The following RNF212B variants were observed in gnomAD, a reference collection of about 807,000 sequenced individuals.
RNF212B encodes ring finger protein 212B.
A neutral mutation model predicts 55.5 loss-of-function variants in RNF212B; 52 were observed. That is an observed-to-expected ratio of 0.94 (90% CI 0.75 to 1.18). RNF212B has a LOEUF of 1.18. RNF212B is among the 50% of genes most tolerant of loss of function. The pLI is 0.00. For missense variants in RNF212B, 289 were observed against 350.4 expected (o/e 0.82, Z 1.40); for synonymous variants, 99 against 121.4 (o/e 0.82, Z 1.21).
At chr14:23,217,588 G>A (rs1881211281) in intron 2 of RNF212B, among the ~76,000 whole-genome samples, 1 of 152,060 alleles carries the variant, frequency 6.6e-6, no homozygotes, top group African/African-American at 2.4e-5. Context: ...TTCCATTTTG[G>A]GGTGGGGGAG....
intron 4 of RNF212B, among the ~76,000 whole-genome samples, chr14:23,251,346 C>G: frequency 6.6e-6 from 1 of 152,204 alleles, no homozygotes; most frequent in East Asian, 1.9e-4. Context: ...ACTGCCCCGA[C>G]TCTGGACACC....
intron 5 of RNF212B, among the ~76,000 whole-genome samples, chr14:23,259,262 C>A (rs977084433): frequency 2.0e-5 from 3 of 151,684 alleles, no homozygotes; most frequent in Non-Finnish European, 4.4e-5. Flanking sequence ...TGATAACACT[C>A]ATTGTAGCCT....
intron 1 of RNF212B, among the ~76,000 whole-genome samples, chr14:23,190,633 T>C (rs1878029663): frequency 2.0e-5 from 3 of 152,192 alleles, no homozygotes; most frequent in Admixed American, 6.5e-5. Context: ...TCACCTACAC[T>C]GTTTCAATAG....
Position 23,222,720 on chromosome 14 carries a change from C to T in RNF212B, c.-1-17625C>T, listed in dbSNP as rs139083443. 8.6e-3 allele frequency among the ~76,000 whole-genome samples: 1,304 copies of T among 152,088 alleles called. 23 individuals carry two copies. Among genetic ancestry groups the T allele is most frequent in the African/African-American group, 0.03 (1,227 of 41,498 alleles). Reference sequence around the variant, plus strand: ...CCAATATCTCTGATGAATATTGATGCGAAAATGCTAGTAAACCAAATTCAA... The same window carrying T: ...CCAATATCTCTGATGAATATTGATGTGAAAATGCTAGTAAACCAAATTCAA... On this transcript the variant is annotated intron_variant, in intron 2 of 15. Coordinates refer to the RNF212B transcript ENST00000399910.
At chr14:23,226,201 G>A (rs1037766925) in intron 2 of RNF212B, among the ~76,000 whole-genome samples, 7 of 150,786 alleles carry the variant, frequency 4.6e-5, no homozygotes, top group Non-Finnish European at 7.4e-5. Flanking sequence ...GGGAGGCTGA[G>A]GCAGGAGAAT....
At chr14:23,208,762 T>TTTTG (rs1555310778) in intron 2 of RNF212B, among the ~76,000 whole-genome samples, 2 of 127,574 alleles carry the variant, frequency 1.6e-5, no homozygotes, top group Non-Finnish European at 3.2e-5. Context: ...TTGCCGTTTT[T>TTTTG]TTTTTTTTTT....
chr14:23,244,340 A>T lies in RNF212B; in HGVS notation c.172A>T (p.Met58Leu). Residue 58 changes from methionine to leucine, a missense_variant, in exon 4 of 15, where the codon ATG becomes TTG. Met to Leu is a conservative substitution (Grantham distance 15). Coordinates refer to ENST00000430154, the MANE Select transcript of RNF212B (RefSeq NM_001282322.3). ...TTCGTAGCTGAAGCCTCAGGAGAAG[A>T]TGTTTTTCAAAAGTCCTGTGGAGAC... Reference protein sequence around the residue: ...LSDNLKPQEKMFFKSPVETAL... With the variant: ...LSDNLKPQEKLFFKSPVETAL... 2 of 1,545,290 alleles carry T rather than the reference A, an allele frequency of 1.3e-6. No homozygotes were observed. Among genetic ancestry groups the T allele is most frequent in the Non-Finnish European group, 1.7e-6 (2 of 1,144,228 alleles).
chr14:23,217,712 C>T (rs76189105), intron 2 of RNF212B, among the ~76,000 whole-genome samples: 1,922 of 152,196 alleles, frequency 0.013, 38 homozygotes, highest in African/African-American at 0.042. Context: ...CACAGTATTA[C>T]AGGGCTTGGG....
intron 14 of RNF212B, among the ~76,000 whole-genome samples, chr14:23,272,245 G>A (rs1360207462): frequency 3.3e-5 from 5 of 151,994 alleles, no homozygotes; most frequent in South Asian, 2.1e-4. Context: ...GTGAAACCCC[G>A]TCTATACTAA....
At chr14:23,246,047 G>A (rs1288846819) in intron 4 of RNF212B, among the ~76,000 whole-genome samples, 2 of 151,844 alleles carry the variant, frequency 1.3e-5, no homozygotes, top group African/African-American at 4.8e-5. Context: ...CAAGCTGACT[G>A]TTTTGAATTC....
intron 2 of RNF212B, among the ~76,000 whole-genome samples, chr14:23,228,462 CA>C (rs776673043): frequency 0.21 from 15,753 of 76,012 alleles, 891 homozygotes; most frequent in East Asian, 0.23. Flanking sequence ...CTATCTCTAC[CA>C]AAAAAAAAAA....
chr14:23,243,665 C>T (rs1296833589), intron 3 of RNF212B, among the ~76,000 whole-genome samples: 1 of 129,596 alleles, frequency 7.7e-6, no homozygotes, highest in African/African-American at 3.0e-5. Context: ...CACTGCACTC[C>T]AGCTTGGGCT....
At chr14:23,231,791 C>A (rs1026163587) in intron 2 of RNF212B, among the ~76,000 whole-genome samples, 1 of 152,180 alleles carries the variant, frequency 6.6e-6, no homozygotes, top group East Asian at 1.9e-4. Flanking sequence ...AGGCACGCGC[C>A]GCCACGCCTG....
At chr14:23,244,601 C>T (rs1429947997) in intron 4 of RNF212B, among the ~76,000 whole-genome samples, 1 of 152,170 alleles carries the variant, frequency 6.6e-6, no homozygotes, top group Non-Finnish European at 1.5e-5. Context: ...GTAAAAGTCA[C>T]TAAGTAGCTA....
chr14:23,272,901 A>G lies in RNF212B; in HGVS notation c.*10A>G. The G allele has an allele frequency of 6.7e-7, 1 of 1,488,064 alleles. No individual in the cohort carries two copies. The highest frequency in any genetic ancestry group is 9.1e-7 in the Non-Finnish European group (1 of 1,096,046). 92.2% of individuals were successfully genotyped at this position (1,488,064 alleles called of 1,614,324 possible). On this transcript the variant is annotated 3_prime_UTR_variant, in exon 15 of 15. Transcript: ENST00000430154. ...GACCACTTCTAGATAGATCATCTTC[A>G]AGATCTGATCTATACATGCTGCTGA...
chr14:23,231,617 C>T (rs1379126331), intron 2 of RNF212B, among the ~76,000 whole-genome samples: 1 of 151,004 alleles, frequency 6.6e-6, no homozygotes, highest in Non-Finnish European at 1.5e-5. Context: ...AGCTCCCCCT[C>T]TCCCCTCTCC....
intron 2 of RNF212B, among the ~76,000 whole-genome samples, chr14:23,242,081 C>CAAAAAAAAAAAAAAAAAAAAAAAAAA (rs58497672): frequency 5.5e-5 from 2 of 36,644 alleles, no homozygotes; most frequent in Non-Finnish European, 9.7e-5. Context: ...GACTCCGTCT[C>CAAAAAAAAAAAAAAAAAAAAAAAAAA]AAAAAAAAAA....
chr14:23,220,203 CAAAAACAAAAACAAAAACA>C (rs1007557290), intron 2 of RNF212B, among the ~76,000 whole-genome samples: 6 of 146,304 alleles, frequency 4.1e-5, no homozygotes, highest in African/African-American at 1.6e-4. Context: ...AAAACAAAAA[CAAAAACAAAAACAAAAACA>C]AAAACAAAAA....
At chr14:23,271,910 T>C (rs1354498179) in intron 14 of RNF212B, among the ~76,000 whole-genome samples, 1 of 152,336 alleles carries the variant, frequency 6.6e-6, no homozygotes, top group Admixed American at 6.5e-5. Flanking sequence ...TTTGGTATGA[T>C]GATATCGTAG....
Sources: allele counts gnomAD v4.1 joint callset (sites outside exome capture counted in the v4.1 genomes callset), GRCh38; gene constraint gnomAD v4.1.1; transcripts MANE v1.5; gene names NCBI Gene and HGNC (gene_info 2026-07-23, HGNC 2026-07-21).